BTBD2: variants seen among roughly 807,000 people sequenced by gnomAD.
The protein encoded by BTBD2 is BTB/POZ domain-containing protein 2.
Under a neutral mutation model 44.0 loss-of-function variants are expected in BTBD2, and 15 were observed. The observed-to-expected ratio is 0.34, with a 90% CI of 0.23 to 0.53. BTBD2 has a LOEUF of 0.53. Ranked by LOEUF, BTBD2 falls within the 20% of genes least tolerant of loss-of-function variation. The pLI, the probability that BTBD2 is intolerant of heterozygous loss-of-function variation, is 0.95. For synonymous variants in BTBD2, 443 were observed against 335.9 expected (o/e 1.32, Z -3.49); for missense variants, 657 against 746.4 (o/e 0.88, Z 1.39).
Position 1,993,083 on chromosome 19 carries a change from G to C in BTBD2, c.621C>G (p.Ala207=), listed in dbSNP as rs756741811. 2 of 1,608,328 alleles carry C rather than the reference G, an allele frequency of 1.2e-6. No individual in the cohort carries two copies. Among genetic ancestry groups the C allele is most frequent in the Non-Finnish European group, 1.7e-6 (2 of 1,179,642 alleles). The part of the protein sequence containing the change: ...AKKYAVPALE[A]HCVEFLKKNL... The stretch of plus-strand genomic sequence containing the variant: ...TCTTCTTCAGGAACTCCACGCAATG[G>C]GCCTCGAGCGCTGGCACCGCGTACT... The change falls in exon 3 of 9, where the codon GCC becomes GCG. Residue 207 remains alanine (A), a synonymous_variant. Coordinates refer to ENST00000255608, the MANE Select transcript of BTBD2 (RefSeq NM_017797.4).
intron 1 of BTBD2, among the ~76,000 whole-genome samples, chr19:1,999,140 C>G (rs10423525): frequency 9.2e-5 from 14 of 152,184 alleles, no homozygotes; most frequent in African/African-American, 2.4e-4. Context: ...CACGCGCCCC[C>G]CTAAACCCCG....
At chr19:1,986,782 G>T (rs774310032) in intron 8 of BTBD2, 48 bp downstream of exon 8, 3 of 1,574,428 alleles carry the variant, frequency 1.9e-6, no homozygotes, top group South Asian at 1.2e-5. Flanking sequence ...GTGGCTTCAG[G>T]ATGGGCCAGA....
intron 1 of BTBD2, among the ~76,000 whole-genome samples, chr19:2,001,309 A>C (rs994919990): frequency 1.3e-5 from 2 of 151,998 alleles, no homozygotes; most frequent in Admixed American, 6.6e-5. Flanking sequence ...ATCCTGGCTA[A>C]CACGGTGAAA....
At chr19:2,007,048 G>C (rs192254013) in intron 1 of BTBD2, among the ~76,000 whole-genome samples, 2 of 152,148 alleles carry the variant, frequency 1.3e-5, no homozygotes, top group East Asian at 3.9e-4. Context: ...AGTAGAGATG[G>C]GGTTTCACCA....
In BTBD2 at chr19:1,992,985, TGGCCCCGCCCCCGCCTCGTACC is replaced by T. The variant is rs943256830; in HGVS notation, c.684+13_684+34del. On this transcript the variant is annotated intron_variant, in intron 3 of 8. Transcript: ENST00000255608. ...CCCCGGCCCCGCCTCCAGCCAGGCCTGGCCCCGCCCCCGCCTCGTACCGGCCCCGCCCACCTGCGTGAGCAGC... is the reference window on the plus strand; with the variant it reads ...CCCCGGCCCCGCCTCCAGCCAGGCCTGGCCCCGCCCACCTGCGTGAGCAGC... 6 of 531,844 alleles carry T rather than the reference TGGCCCCGCCCCCGCCTCGTACC, an allele frequency of 1.1e-5. No homozygotes were observed. The highest frequency in any genetic ancestry group is 1.0e-4 in the African/African-American group (3 of 29,246). The allele number at this position is 531,844 out of a possible 1,614,324, so 32.9% of individuals were successfully genotyped here.
Position 2,010,421 on chromosome 19 carries a change from G to A in BTBD2, c.407+4876C>T, listed in dbSNP as rs1291214993. ...CCCTGGCCTCCTCCCCAGCACAAAC[G>A]CCGACCCCTGCGCGACGGTCCAGAC... is the stretch of plus-strand genomic sequence containing the variant. On this transcript the variant is annotated intron_variant, in intron 1 of 8. Coordinates refer to ENST00000255608, the MANE Select transcript of BTBD2 (RefSeq NM_017797.4). Among the ~76,000 whole-genome samples the A allele has an allele frequency of 3.3e-5, 5 of 152,136 alleles. No homozygotes were observed. In the South Asian group the frequency reaches 8.3e-4, roughly 25 times the overall value.
At chr19:1,995,267 A>G (rs2016235186) in intron 2 of BTBD2, among the ~76,000 whole-genome samples, 1 of 127,742 alleles carries the variant, frequency 7.8e-6, no homozygotes, top group South Asian at 2.5e-4. Context: ...GCGCCTAGCC[A>G]TACTTTGGAT....
chr19:1,995,771 C>T (rs56307174), intron 2 of BTBD2, among the ~76,000 whole-genome samples: 7 of 149,664 alleles, frequency 4.7e-5, no homozygotes, highest in South Asian at 2.1e-4. Context: ...CAAGTAGCTG[C>T]GACTACGGGC....
chr19:1,995,426 C>T (rs565779959), intron 2 of BTBD2, among the ~76,000 whole-genome samples: 8 of 150,890 alleles, frequency 5.3e-5, no homozygotes, highest in African/African-American at 1.5e-4. Context: ...GGACTACAGG[C>T]GCCTGCCACC....
intron 1 of BTBD2, among the ~76,000 whole-genome samples, chr19:2,007,814 C>T (rs139699075): frequency 2.0e-4 from 30 of 150,502 alleles, no homozygotes; most frequent in Non-Finnish European, 3.4e-4. Context: ...GGCAACAGAG[C>T]GAGACTCTGT....
chr19:1,987,433 C>A (rs577541269), intron 6 of BTBD2, 67 bp downstream of exon 6: 9 of 1,368,008 alleles, frequency 6.6e-6, no homozygotes. Context: ...CCCGGCCCCC[C>A]ATCTCCGTCA....
rs1330182410 is a variant in BTBD2 at position 1,990,070 on chromosome 19, TC to T, written c.921del (p.Lys308ArgfsTer15). The T allele has an allele frequency of 9.9e-6, 16 of 1,613,286 alleles. No individual in the cohort carries two copies. The highest frequency in any genetic ancestry group is 1.4e-5 in the Non-Finnish European group (16 of 1,180,030). ...QQLQVTPENR[R>X]KVLGKALGLI... The stretch of plus-strand genomic sequence containing the variant: ...AGGCCCAGGGCCTTGCCCAGAACCT[TC>T]CGCCTGTTCTCTGGCGTCACCTGCA... On this transcript the variant is annotated frameshift_variant, in exon 5 of 9. Transcript: ENST00000255608. LOFTEE classifies it high-confidence loss of function.
rs1272644451 is a variant in BTBD2 at position 1,986,877 on chromosome 19, C to G, written c.1369G>C (p.Val457Leu). The change falls in exon 8 of 9, where the codon GTG (valine) becomes CTG (leucine). Residue 457 changes from valine (V) to leucine (L), a missense_variant. Transcript: ENST00000255608. ...STFRVMFKEP[V>L]EVLPNVNYTA... is the part of the protein sequence containing the mutation. ...TAGTTGACGTTGGGCAGCACCTCCA[C>G]CGGCTCCTTGAACATGACGCGGAAG... 4 of 1,612,790 alleles carry G rather than the reference C, an allele frequency of 2.5e-6. No homozygotes were observed. The African/African-American group carries it at 5.3e-5, about 22-fold the overall frequency.
chr19:1,992,444 T>G (rs1389049401), intron 3 of BTBD2, among the ~76,000 whole-genome samples: 1 of 152,116 alleles, frequency 6.6e-6, no homozygotes, highest in African/African-American at 2.4e-5. Flanking sequence ...CTCTCTATGT[T>G]GCCTAGGCTG....
At chr19:2,007,261 G>C (rs1006107413) in intron 1 of BTBD2, among the ~76,000 whole-genome samples, 5 of 152,194 alleles carry the variant, frequency 3.3e-5, no homozygotes, top group Non-Finnish European at 5.9e-5. Flanking sequence ...AAAGTGCCAG[G>C]ATTACAGGTG....
At position 2,005,858 on chromosome 19, in the gene BTBD2, T is replaced by C. The variant is rs2016388262; in HGVS notation, c.408-8395A>G. Among the ~76,000 whole-genome samples, 16 of 151,604 alleles carry C rather than the reference T, an allele frequency of 1.1e-4. No individual in the cohort carries two copies. The South Asian group carries it at 3.3e-3, about 32-fold the overall frequency. On this transcript the variant is annotated intron_variant, in intron 1 of 8. Transcript: ENST00000255608. The stretch of plus-strand genomic sequence containing the variant: ...AATCCCAGTGCTTTGGGAGGCCAAG[T>C]TGGGAGGATCACCTGAACCCACAAG...
chr19:1,992,993 CCCCCGCCTCGTACCGG>C lies in BTBD2; in HGVS notation c.684+11_684+26del, dbSNP rs762960889. 10 of 1,515,594 alleles carry C rather than the reference CCCCCGCCTCGTACCGG, an allele frequency of 6.6e-6. No individual in the cohort carries two copies. In the Admixed American group the frequency reaches 1.8e-4, roughly 27 times the overall value. 93.9% of individuals were successfully genotyped at this position (1,515,594 alleles called of 1,614,324 possible). A position where few individuals can be genotyped will look rare whatever the true frequency, so the allele number is the denominator to read the frequency against. On this transcript the variant is annotated intron_variant, in intron 3 of 8. Coordinates refer to ENST00000255608, the MANE Select transcript of BTBD2 (RefSeq NM_017797.4). Reference sequence around the variant, plus strand: ...CCGCCTCCAGCCAGGCCTGGCCCCGCCCCCGCCTCGTACCGGCCCCGCCCACCTGCGTGAGCAGCAT... The same window carrying C: ...CCGCCTCCAGCCAGGCCTGGCCCCGCCCCCGCCCACCTGCGTGAGCAGCAT...
intron 4 of BTBD2, 124 bp downstream of exon 4, chr19:1,990,593 G>T: frequency 1.1e-6 from 1 of 905,202 alleles, no homozygotes; most frequent in Non-Finnish European, 1.7e-6. Context: ...CTGACCTGCT[G>T]CAAGTGGTGA....
rs186972171 is a variant in BTBD2, at chr19:1,997,394, C to T, written c.477G>A (p.Thr159=). ...GTTCCACGTCGGGCAGCTCAATCTC[C>T]GTGGATGTTGTGGCCATTCCCCCGT... is the stretch of plus-strand genomic sequence containing the variant. ...MFNGGMATTS[T]EIELPDVEPA... The change falls in exon 2 of 9, where the codon ACG becomes ACA. Residue 159 remains threonine, a synonymous_variant. Transcript: ENST00000255608. 1.2e-4 allele frequency: 195 copies of T among 1,614,192 alleles called. No homozygotes were observed. The East Asian group carries it at 3.6e-3, about 30-fold the overall frequency.
Sources: allele counts gnomAD v4.1 joint callset (sites outside exome capture counted in the v4.1 genomes callset), GRCh38; gene constraint gnomAD v4.1.1; transcripts MANE v1.5; gene names NCBI Gene and HGNC (gene_info 2026-07-23, HGNC 2026-07-21).